DNAJC10: variants seen among roughly 807,000 people sequenced by gnomAD.
The protein encoded by DNAJC10 is DnaJ heat shock protein family (Hsp40) member C10.
DNAJC10 carries 101 observed loss-of-function variants against 115.0 expected under a neutral mutation model. The observed-to-expected ratio is 0.88, with a 90% CI of 0.75 to 1.04. DNAJC10 has a LOEUF of 1.04. Among genes scored for constraint, DNAJC10 ranks in the 50% least tolerant of loss-of-function variants. DNAJC10 has a pLI of 0.00. For synonymous variants in DNAJC10, 307 were observed against 301.5 expected, an observed-to-expected ratio of 1.02 and a Z score of -0.19; for missense variants, 981 against 928.8, an observed-to-expected ratio of 1.06 and a Z score of -0.73.
At chr2:182,723,413 ATG>A (rs1693205073) in intron 5 of DNAJC10, among the ~76,000 whole-genome samples, 1 of 152,196 alleles carries the variant, frequency 6.6e-6, no homozygotes, top group South Asian at 2.1e-4. Flanking sequence ...TAGCTGTTCA[ATG>A]TGTTACTTTG....
rs1056724023 is a variant in DNAJC10 at position 182,777,838 on chromosome 2, A to G, written c.*706A>G. 2 of 152,184 alleles carry G rather than the reference A, an allele frequency of 1.3e-5. No homozygotes were observed. The highest frequency in any genetic ancestry group is 1.9e-4 in the East Asian group (1 of 5,200). The allele number at this position is 152,184 out of a possible 1,614,324, so 9.4% of individuals were successfully genotyped here. On this transcript the variant is annotated 3_prime_UTR_variant, in exon 24 of 24. Coordinates refer to ENST00000264065, the MANE Select transcript of DNAJC10 (RefSeq NM_018981.4). ...CACAGCCGAGAAACAGTGCAGCAGT[A>G]TATGTGCACACAGTAAGTACACAAA...
intron 10 of DNAJC10, among the ~76,000 whole-genome samples, chr2:182,734,990 G>A (rs945783737): frequency 1.3e-5 from 2 of 150,708 alleles, no homozygotes; most frequent in Admixed American, 1.3e-4. Flanking sequence ...TATTTATCTA[G>A]TTGCTATTTT....
At chr2:182,744,967 C>A (rs530449294) in intron 14 of DNAJC10, among the ~76,000 whole-genome samples, 2 of 152,162 alleles carry the variant, frequency 1.3e-5, no homozygotes, top group Non-Finnish European at 1.5e-5. Context: ...GGCCCATCAT[C>A]GCCTTCATCT....
Position 182,787,724 on chromosome 2 carries a change from A to C in DNAJC10, c.*10592A>C, listed in dbSNP as rs1694974263. On this transcript the variant is annotated 3_prime_UTR_variant, in exon 24 of 24. Coordinates refer to ENST00000264065, the MANE Select transcript of DNAJC10 (RefSeq NM_018981.4). Reference sequence around the variant, plus strand: ...TCCTGCAGACCAGGATTTCAAGACCAGCCTGGACAACCTGGTGAAACCTCC... The same window carrying C: ...TCCTGCAGACCAGGATTTCAAGACCCGCCTGGACAACCTGGTGAAACCTCC... 1 of 152,262 alleles carries C rather than the reference A, an allele frequency of 6.6e-6. No homozygotes were observed. The highest frequency in any genetic ancestry group is 1.5e-5 in the Non-Finnish European group (1 of 68,124). The allele number at this position is 152,262 out of a possible 1,614,324, so 9.4% of individuals were successfully genotyped here.
chr2:182,748,080 C>T (rs1166351855), intron 14 of DNAJC10, among the ~76,000 whole-genome samples: 1 of 144,150 alleles, frequency 6.9e-6, no homozygotes, highest in Non-Finnish European at 1.5e-5. Context: ...GGGATGAAGC[C>T]CACTTGATCA....
rs1045009151 is a variant in DNAJC10 at position 182,756,908 on chromosome 2, G to A, written c.1809+439G>A. On this transcript the variant is annotated intron_variant, in intron 18 of 23. Transcript: ENST00000264065. Reference sequence around the variant, plus strand: ...CCCACTTCTGCCTTTCAAAGTGCTGGGATTACAAACATGAGCCTCCGTGCC... The same window carrying A: ...CCCACTTCTGCCTTTCAAAGTGCTGAGATTACAAACATGAGCCTCCGTGCC... 8.0e-4 allele frequency among the ~76,000 whole-genome samples: 122 copies of A among 151,978 alleles called. 3 individuals carry two copies. Among genetic ancestry groups the A allele is most frequent in the Non-Finnish European group, 1.6e-4 (11 of 68,002 alleles).
intron 14 of DNAJC10, among the ~76,000 whole-genome samples, chr2:182,750,607 T>TA (rs1307421519): frequency 2.6e-5 from 4 of 152,062 alleles, no homozygotes; most frequent in Middle Eastern, 3.4e-3. Context: ...AGAGTGTACT[T>TA]AAAAAAAACT....
chr2:182,754,686 T>C, intron 16 of DNAJC10: 1 of 973,210 alleles, frequency 1.0e-6, no homozygotes, highest in Non-Finnish European at 1.2e-6. Context: ...TTATAGCCTC[T>C]TCTTACCTTG....
At chr2:182,738,024 TA>T (rs1033896147) in intron 11 of DNAJC10, among the ~76,000 whole-genome samples, 2 of 152,188 alleles carry the variant, frequency 1.3e-5, no homozygotes, top group Non-Finnish European at 2.9e-5. Context: ...CTTTCTTATT[TA>T]AAAAATGTAC....
At chr2:182,763,407 G>C (rs1301653888) in intron 22 of DNAJC10, among the ~76,000 whole-genome samples, 1 of 152,058 alleles carries the variant, frequency 6.6e-6, no homozygotes, top group African/African-American at 2.4e-5. Context: ...GACAATTCCA[G>C]CTGAACGGGG....
At chr2:182,748,213 C>A (rs1432151173) in intron 14 of DNAJC10, among the ~76,000 whole-genome samples, 5 of 151,000 alleles carry the variant, frequency 3.3e-5, no homozygotes, top group South Asian at 4.2e-4. Flanking sequence ...TGTCTCTGCC[C>A]AGCTTTGGTA....
intron 4 of DNAJC10, among the ~76,000 whole-genome samples, chr2:182,721,337 T>C (rs571043634): frequency 2.6e-5 from 4 of 152,286 alleles, no homozygotes; most frequent in African/African-American, 9.6e-5. Flanking sequence ...TGCCATTTGC[T>C]TTTATAAATA....
chr2:182,775,294 T>A, intron 22 of DNAJC10, 22 bp from the exon 23 acceptor site: 1 of 1,409,642 alleles, frequency 7.1e-7, no homozygotes, highest in African/African-American at 1.4e-5. Context: ...ACTTAAAAGA[T>A]AACAAGTGTT....
rs745751957 is a variant in DNAJC10 at position 182,754,203 on chromosome 2, CAGTG to C, written c.1552-798_1552-795del. Among the ~76,000 whole-genome samples the C allele has an allele frequency of 3.3e-5, 5 of 152,274 alleles. No individual in the cohort carries two copies. The South Asian group carries it at 1.0e-3, about 32-fold the overall frequency. ...TTTTAGCTATAATTGCTTTGTTAAT[CAGTG>C]AATTATTTGAATTTGCACACATTTT... On this transcript the variant is annotated intron_variant, in intron 16 of 23. Transcript: ENST00000264065.
rs892373107 is a variant in DNAJC10 at position 182,783,203 on chromosome 2, G to T, written c.*6071G>T. On this transcript the variant is annotated 3_prime_UTR_variant, in exon 24 of 24. Coordinates refer to ENST00000264065, the MANE Select transcript of DNAJC10 (RefSeq NM_018981.4). ...CTGCTATTTCAAATGTTTGGAGGAAGTAAAATGTCTTTAAAAGAATAAGTG... is the reference window on the plus strand; with the variant it reads ...CTGCTATTTCAAATGTTTGGAGGAATTAAAATGTCTTTAAAAGAATAAGTG... The T allele has an allele frequency of 6.6e-6, 1 of 152,108 alleles. No individual in the cohort carries two copies. The highest frequency in any genetic ancestry group is 2.4e-5 in the African/African-American group (1 of 41,412). The allele number at this position is 152,108 out of a possible 1,614,324, so 9.4% of individuals were successfully genotyped here. A position where few individuals can be genotyped will look rare whatever the true frequency, so the allele number is the denominator to read the frequency against.
At position 182,723,556 on chromosome 2, in the gene DNAJC10, G is replaced by T. The variant is rs1693208360; in HGVS notation, c.418+1481G>T. ...AGAATTAATGCTCATGTCACAAGCT[G>T]GTAGAATCATAACTCTCGTGTGAGT... On this transcript the variant is annotated intron_variant, in intron 5 of 23. Coordinates refer to ENST00000264065, the MANE Select transcript of DNAJC10 (RefSeq NM_018981.4). Among the ~76,000 whole-genome samples the T allele has an allele frequency of 2.0e-5, 3 of 152,170 alleles. No homozygotes were observed. In the South Asian group the frequency reaches 6.2e-4, roughly 32 times the overall value.
intron 22 of DNAJC10, among the ~76,000 whole-genome samples, chr2:182,766,831 G>A (rs188297763): frequency 7.9e-5 from 12 of 152,104 alleles, no homozygotes; most frequent in Middle Eastern, 3.4e-3. Flanking sequence ...TCACTTGGGC[G>A]GCCTCTAATC....
chr2:182,758,941 AC>A (rs765741655), intron 20 of DNAJC10, 51 bp downstream of exon 20: 10 of 1,362,356 alleles, frequency 7.3e-6, no homozygotes, highest in Non-Finnish European at 9.4e-6. Flanking sequence ...AAAGCCATTT[AC>A]CCCCCTTTTA....
chr2:182,767,201 T>C (rs189306906), intron 22 of DNAJC10, among the ~76,000 whole-genome samples: 2 of 152,248 alleles, frequency 1.3e-5, no homozygotes, highest in Admixed American at 1.3e-4. Context: ...ACGCAGAGCG[T>C]ACCGGTGCCC....
Sources: gnomAD v4.1 joint callset for allele counts (sites outside exome capture counted in the v4.1 genomes callset) on GRCh38, gnomAD v4.1.1 for gene constraint, MANE v1.5 for transcripts, NCBI Gene and HGNC (gene_info 2026-07-23, HGNC 2026-07-21) for gene names.